Variants in PIGV observed in about 807,000 individuals in gnomAD.
PIGV encodes phosphatidylinositol glycan anchor biosynthesis class V, also known as GPI alpha-1,6-mannosyltransferase 2.
In PIGV, 27 loss-of-function variants were observed where a neutral mutation model predicts 39.2. The observed-to-expected ratio is 0.69, with a 90% CI of 0.51 to 0.95. The LOEUF (loss-of-function observed/expected upper bound fraction) is 0.95. Among genes scored for constraint, PIGV ranks in the 40% least tolerant of loss-of-function variants. The pLI is 0.00. For missense variants in PIGV, 523 were observed against 586.4 expected (o/e 0.89, Z 1.12); for synonymous variants, 232 against 241.7 (o/e 0.96, Z 0.37).
rs774491514 is a variant in PIGV, at chr1:26,794,724, T to C, written c.690T>C (p.Pro230=). Residue 230 remains proline, a synonymous_variant, in exon 3 of 4, where the codon CCT becomes CCC. Transcript: ENST00000674202. The stretch of plus-strand genomic sequence containing the variant: ...TCTCTTCTCTAACGATGCTGAATCC[T>C]CTGAGACAGCTCTTTAAGCTGATGG... ...GFFSSLTMLN[P]LRQLFKLMAS... 5 of 1,614,234 alleles carry C rather than the reference T, an allele frequency of 3.1e-6. No individual in the cohort carries two copies. The highest frequency in any genetic ancestry group is 4.2e-6 in the Non-Finnish European group (5 of 1,180,040).
In PIGV at chr1:26,797,560, T is replaced by C. The variant is rs2081400157; in HGVS notation, c.1201-3T>C. The C allele has an allele frequency of 6.2e-7, 1 of 1,613,588 alleles. No homozygotes were observed. The highest frequency in any genetic ancestry group is 1.3e-5 in the African/African-American group (1 of 75,040). ...CTGGATATTCCCCTCTCATGATTTC[T>C]AGGTTCTCACCAGGTTTTTGGGCTC... On this transcript the variant is annotated splice_region_variant and splice_polypyrimidine_tract_variant and intron_variant, in intron 3 of 3. Coordinates refer to ENST00000674202, the MANE Select transcript of PIGV (RefSeq NM_017837.4).
chr1:26,796,358 C>T (rs963532647), intron 3 of PIGV, among the ~76,000 whole-genome samples: 2 of 151,938 alleles, frequency 1.3e-5, no homozygotes, highest in Non-Finnish European at 1.5e-5. Flanking sequence ...TTAGTAGAGA[C>T]GGGATTTCAC....
chr1:26,795,264 T>C (rs1278558610), intron 3 of PIGV, 30 bp downstream of exon 3: 1 of 1,612,172 alleles, frequency 6.2e-7, no homozygotes, highest in African/African-American at 1.3e-5. Context: ...GGGATAAGGA[T>C]GTGAATACAG....
At chr1:26,787,208 C>A (rs1209795730), upstream of PIGV, among the ~76,000 whole-genome samples, 1 of 152,214 alleles carries the variant, frequency 6.6e-6, no homozygotes. Flanking sequence ...CTAACAGTTT[C>A]CGTTACAAGG....
Position 26,790,099 on chromosome 1 carries a change from G to A in PIGV, c.-57-660G>A, listed in dbSNP as rs2081291459. 1.3e-5 allele frequency among the ~76,000 whole-genome samples: 2 copies of A among 152,208 alleles called. 1 individual carries two copies. The highest frequency in any genetic ancestry group is 4.1e-4 in the South Asian group (2 of 4,832). ...TCAGTTTGTTTCAGCAGTGTGAGCT[G>A]GCTGAGGTCCTGCTGAGTGGTGGTT... On this transcript the variant is annotated intron_variant, in intron 1 of 3. Transcript: ENST00000674202.
At chr1:26,796,470 A>AT (rs1287603778) in intron 3 of PIGV, among the ~76,000 whole-genome samples, 9 of 149,038 alleles carry the variant, frequency 6.0e-5, no homozygotes, top group South Asian at 4.2e-4. Context: ...GCCCAGCAAG[A>AT]TTTTTTTTTT....
At position 26,795,281 on chromosome 1, in the gene PIGV, C is replaced by T. The variant is rs771391078; in HGVS notation, c.1200+47C>T. On this transcript the variant is annotated intron_variant, in intron 3 of 3. Coordinates refer to ENST00000674202, the MANE Select transcript of PIGV (RefSeq NM_017837.4). ...GATAAGGATGTGAATACAGGCAAAACCCCTTGGCCAAGGACAGGGAAGGCA... is the reference window on the plus strand; with the variant it reads ...GATAAGGATGTGAATACAGGCAAAATCCCTTGGCCAAGGACAGGGAAGGCA... 82 of 1,608,818 alleles carry T rather than the reference C, an allele frequency of 5.1e-5. 1 individual carries two copies. In the South Asian group the frequency reaches 8.1e-4, roughly 16 times the overall value.
Position 26,794,143 on chromosome 1 carries a change from C to A in PIGV, c.109C>A (p.His37Asn). ...CTTCAATGCCATCATCCCAGATCAC[C>A]ATGCAGAAGCCTTCTCTCCTCCTCG... ...ALFNAIIPDH[H>N]AEAFSPPRLA... is the part of the protein sequence containing the mutation. Residue 37 changes from histidine (H) to asparagine (N), a missense_variant, in exon 3 of 4, where the codon CAT (histidine) becomes AAT (asparagine). His to Asn is a moderately conservative substitution (Grantham distance 68). Coordinates refer to ENST00000674202, the MANE Select transcript of PIGV (RefSeq NM_017837.4). The A allele has an allele frequency of 1.2e-6, 2 of 1,614,238 alleles. No homozygotes were observed. The highest frequency in any genetic ancestry group is 1.1e-5 in the South Asian group (1 of 91,088).
At chr1:26,788,830 T>C (rs1235509218) in intron 1 of PIGV, 2 of 152,252 alleles carry the variant, frequency 1.3e-5, no homozygotes, top group African/African-American at 4.8e-5. Flanking sequence ...GTAAGTGTCC[T>C]GCCAGTTAAG....
rs1392626425 is a variant in PIGV at position 26,794,568 on chromosome 1, C to T, written c.534C>T (p.Phe178=). Residue 178 remains phenylalanine (F), a synonymous_variant, in exon 3 of 4, where the codon TTC becomes TTT. Transcript: ENST00000674202. ...AAGCTTTGTTTGCCCTCCTGACATTCAGTGCCATGGGGCAGCTGGAGAGGG... is the reference window on the plus strand; with the variant it reads ...AAGCTTTGTTTGCCCTCCTGACATTTAGTGCCATGGGGCAGCTGGAGAGGG... ...YSEALFALLT[F]SAMGQLERGR... The T allele has an allele frequency of 2.5e-5, 41 of 1,614,102 alleles. No individual in the cohort carries two copies. Among genetic ancestry groups the T allele is most frequent in the Non-Finnish European group, 3.4e-5 (40 of 1,180,048 alleles).
chr1:26,798,535 A>ACC lies in PIGV; in HGVS notation c.*694_*695dup, dbSNP rs1243264661. 2.0e-5 allele frequency: 3 copies of ACC among 152,702 alleles called. No individual in the cohort carries two copies. The highest frequency in any genetic ancestry group is 7.2e-5 in the African/African-American group (3 of 41,418). 9.5% of individuals were successfully genotyped at this position (152,702 alleles called of 1,614,324 possible). ...AGACCGGCCTGGCCAACATGGCAAA[A>ACC]CCCCGTCTCTACTAAAAATACAAAA... On this transcript the variant is annotated 3_prime_UTR_variant, in exon 4 of 4. Coordinates refer to ENST00000674202, the MANE Select transcript of PIGV (RefSeq NM_017837.4).
chr1:26,789,428 A>G (rs1302433969), intron 1 of PIGV, among the ~76,000 whole-genome samples: 1 of 152,120 alleles, frequency 6.6e-6, no homozygotes, highest in Non-Finnish European at 1.5e-5. Flanking sequence ...GGCTTCTGTG[A>G]CTTTGTCGTC....
rs2081412719 is a variant in PIGV at position 26,798,319 on chromosome 1, T to C, written c.*475T>C. On this transcript the variant is annotated 3_prime_UTR_variant, in exon 4 of 4. Transcript: ENST00000674202. ...CAAATGCGACATTGTTTCTGATGTT[T>C]TTTTTTATGATTTGTGCATGTATTT... 1 of 157,664 alleles carries C rather than the reference T, an allele frequency of 6.3e-6. No individual in the cohort carries two copies. 9.8% of individuals were successfully genotyped at this position (157,664 alleles called of 1,614,324 possible). A position where few individuals can be genotyped will look rare whatever the true frequency, so the allele number is the denominator to read the frequency against.
intron 3 of PIGV, among the ~76,000 whole-genome samples, chr1:26,795,854 A>T (rs1020366130): frequency 2.0e-5 from 3 of 149,358 alleles, no homozygotes; most frequent in African/African-American, 7.4e-5. Context: ...TACTTTATTT[A>T]TTTATTTATT....
At chr1:26,790,338 T>C (rs1360475608) in intron 1 of PIGV, among the ~76,000 whole-genome samples, 1 of 152,120 alleles carries the variant, frequency 6.6e-6, no homozygotes, top group Admixed American at 6.5e-5. Flanking sequence ...CTTCACACTT[T>C]GGTCTGTTTC....
intron 1 of PIGV, among the ~76,000 whole-genome samples, chr1:26,789,201 G>A (rs974553345): frequency 6.6e-6 from 1 of 152,204 alleles, no homozygotes; most frequent in African/African-American, 2.4e-5. Flanking sequence ...CGTTGGAAAC[G>A]TTTAGATTCA....
rs778672695 is a variant in PIGV at position 26,795,223 on chromosome 1, A to G, written c.1189A>G (p.Met397Val). Residue 397 changes from methionine to valine, a missense_variant, in exon 3 of 4, where the codon ATG (methionine) becomes GTG (valine). By Grantham distance (21) the Met-to-Val change is conservative. Coordinates refer to ENST00000674202, the MANE Select transcript of PIGV (RefSeq NM_017837.4). ...AVLLLFGGLCMHVQVLTRFLG... is the reference protein window; with the variant it reads ...AVLLLFGGLCVHVQVLTRFLG... Reference sequence around the variant, plus strand: ...GCTGCTGCTGTTTGGAGGTCTGTGCATGCATGTTCAGGTGAGGTGGATTCC... The same window carrying G: ...GCTGCTGCTGTTTGGAGGTCTGTGCGTGCATGTTCAGGTGAGGTGGATTCC... 6.1e-5 allele frequency: 99 copies of G among 1,613,696 alleles called. No individual in the cohort carries two copies. The highest frequency in any genetic ancestry group is 8.1e-5 in the Non-Finnish European group (95 of 1,180,042).
chr1:26,793,740 C>T (rs1421806963), intron 2 of PIGV, among the ~76,000 whole-genome samples: 1 of 152,104 alleles, frequency 6.6e-6, no homozygotes, highest in Non-Finnish European at 1.5e-5. Flanking sequence ...GTAGCTGGGA[C>T]TACAGGCATG....
chr1:26,794,819 A>G lies in PIGV; in HGVS notation c.785A>G (p.Gln262Arg), dbSNP rs374660153. Residue 262 changes from glutamine (Q) to arginine (R), a missense_variant, in exon 3 of 4, where the codon CAA becomes CGA. Coordinates refer to ENST00000674202, the MANE Select transcript of PIGV (RefSeq NM_017837.4). ...CTCTTTCAGTATTATGCCTACACCC[A>G]ATTCTGTCTGCCAGGCTCAGCCCGC... is the stretch of plus-strand genomic sequence containing the variant. Reference protein sequence around the residue: ...FALFQYYAYTQFCLPGSARPI... With the variant: ...FALFQYYAYTRFCLPGSARPI... The G allele has an allele frequency of 6.2e-7, 1 of 1,613,670 alleles. No individual in the cohort carries two copies. The highest frequency in any genetic ancestry group is 1.3e-5 in the African/African-American group (1 of 74,838).
Sources: gnomAD v4.1 joint callset for allele counts (sites outside exome capture counted in the v4.1 genomes callset) on GRCh38, gnomAD v4.1.1 for gene constraint, MANE v1.5 for transcripts, NCBI Gene and HGNC (gene_info 2026-07-23, HGNC 2026-07-21) for gene names.